Variants in ASPRV1 observed in about 807,000 individuals in gnomAD.
ASPRV1 encodes retroviral-like aspartic protease 1.
ASPRV1 carries 7 observed loss-of-function variants against 11.0 expected under a neutral mutation model. The ratio of observed to expected loss-of-function variants is 0.64; its 90% confidence interval spans 0.36 to 1.20. The LOEUF (loss-of-function observed/expected upper bound fraction) is 1.20. Ranked by LOEUF, ASPRV1 falls within the 50% of genes most tolerant of loss-of-function variation. The pLI is 0.02. For missense variants in ASPRV1, 299 were observed against 320.0 expected, an observed-to-expected ratio of 0.93 and a Z score of 0.50; for synonymous variants, 136 against 138.4, an observed-to-expected ratio of 0.98 and a Z score of 0.12.
At chr2:69,942,158 TTGACTC>T in the ASPRV1 span, 105 of 152,358 alleles carry the variant, frequency 6.9e-4, no homozygotes, top group African/African-American at 2.4e-3. Flanking sequence ...TTTTCTATGT[TTGACTC>T]TGATGCAGTG....
the ASPRV1 span, chr2:69,935,369 G>A: frequency 3.1e-6 from 5 of 1,614,000 alleles, no homozygotes; most frequent in Non-Finnish European, 4.2e-6. Context: ...ATCTTCGCTT[G>A]TGCCTGGAGA....
the ASPRV1 span, chr2:70,003,423 GCC>G: frequency 6.6e-6 from 1 of 152,298 alleles, no homozygotes; most frequent in Non-Finnish European, 1.5e-5. Context: ...ACAAGTGTTT[GCC>G]ACTGTTAACA....
At chr2:70,066,742 T>C in the ASPRV1 span, among the ~76,000 whole-genome samples, 1 of 151,970 alleles carries the variant, frequency 6.6e-6, no homozygotes, top group African/African-American at 2.4e-5. Context: ...GGACCACAGA[T>C]GTTCACCAGC....
the ASPRV1 span, chr2:70,030,808 C>T: frequency 2.0e-5 from 3 of 152,262 alleles, no homozygotes; most frequent in South Asian, 4.1e-4. Context: ...TGCCACAATC[C>T]TAACCCCAAT....
chr2:70,004,744 A>G, the ASPRV1 span, among the ~76,000 whole-genome samples: 1 of 152,098 alleles, frequency 6.6e-6, no homozygotes, highest in Non-Finnish European at 1.5e-5. Context: ...CTCCTGCTCT[A>G]TCTCCTCACC....
the ASPRV1 span, chr2:69,939,715 G>A: frequency 3.3e-5 from 5 of 152,624 alleles, no homozygotes; most frequent in African/African-American, 1.2e-4. Context: ...TGAACCATTT[G>A]TAAAATCTGT....
At chr2:70,012,944 T>A in the ASPRV1 span, among the ~76,000 whole-genome samples, 1 of 152,232 alleles carries the variant, frequency 6.6e-6, no homozygotes, top group Non-Finnish European at 1.5e-5. Context: ...CAACTGACAG[T>A]ATTTGTTGCC....
chr2:70,082,291 A>G, the ASPRV1 span, among the ~76,000 whole-genome samples: 2 of 152,108 alleles, frequency 1.3e-5, no homozygotes, highest in African/African-American at 4.8e-5. Flanking sequence ...GCTATAGGCC[A>G]GGCATGGTGA....
At chr2:70,056,584 G>T in the ASPRV1 span, 2 of 97,496 alleles carry the variant, frequency 2.1e-5, no homozygotes, top group African/African-American at 9.2e-5. Flanking sequence ...CAGCCTGGGC[G>T]ACAGAGCGAG....
At chr2:70,057,642 C>G in the ASPRV1 span, among the ~76,000 whole-genome samples, 946 of 151,866 alleles carry the variant, frequency 6.2e-3, 9 homozygotes, top group African/African-American at 0.022. Flanking sequence ...CCACGCCCAG[C>G]TAATTATTGT....
chr2:70,043,035 G>A, the ASPRV1 span, among the ~76,000 whole-genome samples: 3 of 152,200 alleles, frequency 2.0e-5, no homozygotes, highest in African/African-American at 7.2e-5. Flanking sequence ...TGTAAAATAT[G>A]CCCTTGGGGG....
chr2:69,957,708 T>C (rs1344264017), downstream of ASPRV1, among the ~76,000 whole-genome samples: 1 of 151,930 alleles, frequency 6.6e-6, no homozygotes, highest in Non-Finnish European at 1.5e-5. Flanking sequence ...TTCCTGCTGG[T>C]TCATGGATCA....
At chr2:70,021,871 T>A in the ASPRV1 span, among the ~76,000 whole-genome samples, 2 of 144,486 alleles carry the variant, frequency 1.4e-5, no homozygotes, top group African/African-American at 5.2e-5. Flanking sequence ...CCCAGCTAAT[T>A]TTTTTTGTAT....
At chr2:70,022,653 G>T in the ASPRV1 span, among the ~76,000 whole-genome samples, 4 of 151,950 alleles carry the variant, frequency 2.6e-5, no homozygotes, top group Non-Finnish European at 5.9e-5. Flanking sequence ...TCGCACCACT[G>T]CACTCCAGCC....
chr2:70,085,266 G>A, the ASPRV1 span, among the ~76,000 whole-genome samples: 1 of 152,178 alleles, frequency 6.6e-6, no homozygotes, highest in Admixed American at 6.5e-5. Context: ...GCCACAGACA[G>A]GGCCAGACCG....
chr2:70,017,593 A>G, the ASPRV1 span, among the ~76,000 whole-genome samples: 4 of 152,366 alleles, frequency 2.6e-5, no homozygotes, highest in African/African-American at 9.6e-5. Flanking sequence ...GAAAAAGTTA[A>G]ATTGTCTGTC....
chr2:69,983,542 C>G, the ASPRV1 span, among the ~76,000 whole-genome samples: 1 of 152,238 alleles, frequency 6.6e-6, no homozygotes, highest in East Asian at 1.9e-4. Flanking sequence ...TCGGGCCCAG[C>G]TAGGCTGAGC....
At chr2:69,937,237 A>T in the ASPRV1 span, 1 of 1,613,308 alleles carries the variant, frequency 6.2e-7, no homozygotes, top group East Asian at 2.2e-5. Flanking sequence ...ACTTGCAGAA[A>T]CTTGAAGATT....
chr2:69,947,017 G>GTTCCCGCA, the ASPRV1 span, among the ~76,000 whole-genome samples: 1 of 152,336 alleles, frequency 6.6e-6, no homozygotes, highest in East Asian at 1.9e-4. Flanking sequence ...AATGACTTCA[G>GTTCCCGCA]TTCCCGCATT....
Sources: allele counts gnomAD v4.1 joint callset (sites outside exome capture counted in the v4.1 genomes callset), GRCh38; gene constraint gnomAD v4.1.1; transcripts MANE v1.5; gene names NCBI Gene and HGNC (gene_info 2026-07-23, HGNC 2026-07-21).